The following MPPED1 variants were observed in gnomAD, a reference collection of about 807,000 sequenced individuals.
MPPED1 encodes the protein metallophosphoesterase domain-containing protein 1.
In MPPED1, 16 loss-of-function variants were observed where a neutral mutation model predicts 36.2. The observed-to-expected ratio is 0.44, with a 90% CI of 0.30 to 0.67. The LOEUF is 0.67. Ranked by LOEUF, MPPED1 falls within the 30% of genes least tolerant of loss-of-function variation. The pLI is 0.10. For synonymous variants in MPPED1, 199 were observed against 191.3 expected, an observed-to-expected ratio of 1.04 and a Z score of -0.33; for missense variants, 307 against 453.4, an observed-to-expected ratio of 0.68 and a Z score of 2.93.
At position 43,500,088 on chromosome 22, in the gene MPPED1, GCGA is replaced by G. The variant is rs368552028; in HGVS notation, c.748+1739_748+1741del. 3.8e-3 allele frequency among the ~76,000 whole-genome samples: 417 copies of G among 110,074 alleles called. 8 individuals are homozygous for G. The highest frequency in any genetic ancestry group is 0.011 in the South Asian group (32 of 2,842). The allele number at this position is 110,074 out of a possible 152,430, so 72.2% of individuals were successfully genotyped here. On this transcript the variant is annotated intron_variant, in intron 5 of 6. Coordinates refer to ENST00000443721, the MANE Select transcript of MPPED1 (RefSeq NM_001044370.2). ...GATGGTGATGGAGGTGGTGGTGATGGCGATGGAGGTGGTAGTGGGGGTGATGAA... is the reference window on the plus strand; with the variant it reads ...GATGGTGATGGAGGTGGTGGTGATGGTGGAGGTGGTAGTGGGGGTGATGAA...
At chr22:43,434,803 C>A (rs532647857) in intron 2 of MPPED1, among the ~76,000 whole-genome samples, 3 of 152,356 alleles carry the variant, frequency 2.0e-5, no homozygotes, top group African/African-American at 7.2e-5. Flanking sequence ...ATGTTACAGA[C>A]AGGGAAACTG....
At chr22:43,431,435 T>G (rs1211964744) in intron 2 of MPPED1, among the ~76,000 whole-genome samples, 1 of 152,240 alleles carries the variant, frequency 6.6e-6, no homozygotes, top group East Asian at 1.9e-4. Context: ...TCTGTGGGTG[T>G]CCCACCCACA....
chr22:43,428,447 G>C (rs894891204), intron 2 of MPPED1, among the ~76,000 whole-genome samples: 2 of 152,200 alleles, frequency 1.3e-5, no homozygotes, highest in African/African-American at 4.8e-5. Flanking sequence ...CCTTCATTCA[G>C]ACTCCACACC....
intron 4 of MPPED1, among the ~76,000 whole-genome samples, chr22:43,495,275 G>GAAGTGC (rs1932229568): frequency 6.7e-6 from 1 of 148,194 alleles, no homozygotes; most frequent in Non-Finnish European, 1.5e-5. Context: ...GGTGGTGGTG[G>GAAGTGC]TGGTGATGGA....
intron 4 of MPPED1, among the ~76,000 whole-genome samples, chr22:43,493,333 C>T (rs1392956555): frequency 1.3e-5 from 2 of 152,242 alleles, no homozygotes; most frequent in East Asian, 3.8e-4. Context: ...CACCTGCCAA[C>T]AGGGTAGTAT....
intron 4 of MPPED1, among the ~76,000 whole-genome samples, chr22:43,480,858 C>G (rs1007085668): frequency 6.8e-6 from 1 of 147,526 alleles, no homozygotes; most frequent in African/African-American, 2.5e-5. Flanking sequence ...GAGTCTCACT[C>G]TGTCGCCTAG....
intron 6 of MPPED1, among the ~76,000 whole-genome samples, chr22:43,503,378 A>G (rs28675967): frequency 0.14 from 20,642 of 152,040 alleles, 2,663 homozygotes; most frequent in African/African-American, 0.34. Context: ...TATTTATCCC[A>G]CCTGCCCAAG....
chr22:43,474,913 A>G lies in MPPED1; in HGVS notation c.584A>G (p.Gln195Arg). 1 of 1,614,002 alleles carries G rather than the reference A, an allele frequency of 6.2e-7. No homozygotes were observed. Among genetic ancestry groups the G allele is most frequent in the Non-Finnish European group, 8.5e-7 (1 of 1,179,892 alleles). Residue 195 changes from glutamine to arginine, a missense_variant, in exon 4 of 7, where the codon CAG becomes CGG. Around this residue, in one of 3 missense-constraint regions of MPPED1, gnomAD observed 132 missense variants for 212.3 expected, o/e 0.62. Coordinates refer to ENST00000443721, the MANE Select transcript of MPPED1 (RefSeq NM_001044370.2). The surrounding 1 kb of genome is among the most constrained non-coding windows in gnomAD (Gnocchi z 5.2). ...QSLLTNCIYL[Q>R]DSEVTVRGFR... The stretch of plus-strand genomic sequence containing the variant: ...CTGCTGACCAACTGCATCTACCTTC[A>G]GGACTCGGAGGTCACCGTGCGGGGC...
At position 43,497,935 on chromosome 22, in the gene MPPED1, G is replaced by GTA. The variant is rs753427064; in HGVS notation, c.633-288_633-287dup. On this transcript the variant is annotated intron_variant, in intron 4 of 6. Coordinates refer to ENST00000443721, the MANE Select transcript of MPPED1 (RefSeq NM_001044370.2). ...AAGAAGCTGATATATATATGTATAT[G>GTA]TATATATATATATGTATTTAGCTTT... Among the ~76,000 whole-genome samples the GTA allele has an allele frequency of 1.5e-3, 197 of 128,372 alleles. 4 individuals carry two copies. The highest frequency in any genetic ancestry group is 1.7e-3 in the Admixed American group (23 of 13,214). The allele number at this position is 128,372 out of a possible 152,430, so 84.2% of individuals were successfully genotyped here.
intron 3 of MPPED1, among the ~76,000 whole-genome samples, chr22:43,448,067 T>A (rs1161523559): frequency 6.6e-6 from 1 of 151,502 alleles, no homozygotes; most frequent in Non-Finnish European, 1.5e-5. Context: ...TTAATTTTTG[T>A]ATTTAGAGGC....
chr22:43,475,598 GTGGTGATGATGGTGGTGA>G (rs1355874744), intron 4 of MPPED1, among the ~76,000 whole-genome samples: 13 of 131,712 alleles, frequency 9.9e-5, no homozygotes, highest in Non-Finnish European at 1.8e-4. Flanking sequence ...GGTGGTGATG[GTGGTGATGATGGTGGTGA>G]TGGTGATGAT....
At chr22:43,483,550 G>T (rs1040610178) in intron 4 of MPPED1, among the ~76,000 whole-genome samples, 1 of 152,292 alleles carries the variant, frequency 6.6e-6, no homozygotes, top group African/African-American at 2.4e-5. Flanking sequence ...CCGGCACTCA[G>T]TGCCAAGTTT....
intron 3 of MPPED1, among the ~76,000 whole-genome samples, chr22:43,473,711 G>T (rs1331218483): frequency 2.6e-5 from 4 of 152,188 alleles, no homozygotes; most frequent in African/African-American, 9.7e-5. Context: ...TGGAGTAGGG[G>T]GCAGGGGCGA....
intron 3 of MPPED1, among the ~76,000 whole-genome samples, chr22:43,437,741 T>A (rs1242266752): frequency 2.0e-5 from 3 of 152,166 alleles, no homozygotes; most frequent in Non-Finnish European, 4.4e-5. Flanking sequence ...TCTGTTGGAA[T>A]GGAGGAAAGA....
intron 2 of MPPED1, among the ~76,000 whole-genome samples, chr22:43,431,952 T>C (rs1929702010): frequency 6.6e-6 from 1 of 152,168 alleles, no homozygotes; most frequent in African/African-American, 2.4e-5. Flanking sequence ...ATTAAAGATC[T>C]CTGGCTCCAG....
chr22:43,419,697 T>A (rs1463190930), intron 1 of MPPED1, among the ~76,000 whole-genome samples: 1 of 126,824 alleles, frequency 7.9e-6, no homozygotes, highest in East Asian at 2.2e-4. Flanking sequence ...GTGACCATGG[T>A]GATGGGGGGT....
chr22:43,426,634 C>T lies in MPPED1; in HGVS notation c.224+1425C>T, dbSNP rs187283166. On this transcript the variant is annotated intron_variant, in intron 2 of 6. Coordinates refer to ENST00000443721, the MANE Select transcript of MPPED1 (RefSeq NM_001044370.2). The stretch of plus-strand genomic sequence containing the variant: ...GGGTGTGTGTGAGGGCGCGACCTCC[C>T]GTCCCTGTGTGGCCTCCCTCAGGCC... Among the ~76,000 whole-genome samples the T allele has an allele frequency of 1.6e-3, 249 of 152,256 alleles. 1 individual carries two copies. The highest frequency in any genetic ancestry group is 5.0e-3 in the African/African-American group (206 of 41,554).
intron 1 of MPPED1, among the ~76,000 whole-genome samples, chr22:43,419,556 C>T (rs2146812827): frequency 7.1e-6 from 1 of 141,404 alleles, no homozygotes; most frequent in South Asian, 2.6e-4. Context: ...CCAGGTGCAG[C>T]CTCCTGAGCT....
intron 4 of MPPED1, among the ~76,000 whole-genome samples, chr22:43,497,057 A>G (rs372189750): frequency 0.24 from 6,671 of 27,880 alleles, 2 homozygotes; most frequent in Middle Eastern, 0.31. Flanking sequence ...GGTGGTGGAG[A>G]TGGTGGTGGT....
Sources: gnomAD v4.1 joint callset for allele counts (sites outside exome capture counted in the v4.1 genomes callset) on GRCh38, gnomAD v4.1.1 for gene constraint, gnomAD v4.1.1 regional missense constraint, Gnocchi (gnomAD v3.1) non-coding constraint, MANE v1.5 for transcripts, NCBI Gene and HGNC (gene_info 2026-07-23, HGNC 2026-07-21) for gene names.